The following PTK2B variants were observed in gnomAD, a reference collection of about 807,000 sequenced individuals.
The protein encoded by PTK2B is protein-tyrosine kinase 2-beta.
A neutral mutation model predicts 142.9 loss-of-function variants in PTK2B; 71 were observed. The ratio of observed to expected loss-of-function variants is 0.50; its 90% CI spans 0.41 to 0.61. PTK2B has a LOEUF of 0.61. PTK2B is among the 20% of genes least tolerant of loss of function. The pLI, the probability that PTK2B is intolerant of heterozygous loss-of-function variation, is 0.00. For synonymous variants in PTK2B, 519 were observed against 503.4 expected, an observed-to-expected ratio of 1.03 and a Z score of -0.42; for missense variants, 1,105 against 1,320.4, an observed-to-expected ratio of 0.84 and a Z score of 2.53.
At chr8:27,426,769 T>G (rs1810109883) in intron 5 of PTK2B, among the ~76,000 whole-genome samples, 1 of 151,956 alleles carries the variant, frequency 6.6e-6, no homozygotes, top group Non-Finnish European at 1.5e-5. Flanking sequence ...TGGGGTGACC[T>G]TGATGTGCTA....
At chr8:27,339,733 G>A (rs990627905) in intron 1 of PTK2B, among the ~76,000 whole-genome samples, 1 of 152,206 alleles carries the variant, frequency 6.6e-6, no homozygotes, top group African/African-American at 2.4e-5. Flanking sequence ...GGGGATCAGG[G>A]GGTCAGGGAC....
At chr8:27,432,837 CTTTT>C (rs1179977776) in intron 10 of PTK2B, among the ~76,000 whole-genome samples, 1 of 151,672 alleles carries the variant, frequency 6.6e-6, no homozygotes, top group South Asian at 2.1e-4. Context: ...TTCTTTCTTT[CTTTT>C]TTTTAGACAA....
intron 27 of PTK2B, 115 bp downstream of exon 27, chr8:27,451,624 C>T: frequency 6.4e-7 from 1 of 1,566,496 alleles, no homozygotes; most frequent in Non-Finnish European, 8.7e-7. Context: ...TTCCCTGCAG[C>T]ATCGGCCATG....
intron 24 of PTK2B, among the ~76,000 whole-genome samples, chr8:27,449,758 G>T (rs7846626): frequency 1.6e-4 from 25 of 152,102 alleles, no homozygotes; most frequent in African/African-American, 5.8e-4. Context: ...AATGAACCGT[G>T]GGGGAAGACT....
intron 27 of PTK2B, chr8:27,451,992 C>T (rs868575984): frequency 1.1e-4 from 18 of 168,880 alleles, no homozygotes; most frequent in African/African-American, 2.6e-4. Context: ...GCAGTAAGCC[C>T]GGGGCCTGGA....
upstream of PTK2B, among the ~76,000 whole-genome samples, chr8:27,323,966 C>T (rs1490837765): frequency 2.0e-5 from 3 of 152,144 alleles, no homozygotes; most frequent in Non-Finnish European, 4.4e-5. Flanking sequence ...TCTTGATTGT[C>T]TTTGCTTTTA....
At chr8:27,318,683 C>T (rs1803143606) in intron 3 of PTK2B, among the ~76,000 whole-genome samples, 1 of 152,162 alleles carries the variant, frequency 6.6e-6, no homozygotes, top group Non-Finnish European at 1.5e-5. Context: ...CAGAGTATTG[C>T]TCTATTGCCC....
At chr8:27,362,383 C>G (rs757803992) in intron 1 of PTK2B, among the ~76,000 whole-genome samples, 5 of 152,314 alleles carry the variant, frequency 3.3e-5, no homozygotes, top group Non-Finnish European at 7.4e-5. Flanking sequence ...TTAGCACCCC[C>G]ACACTGTGGC....
intron 2 of PTK2B, among the ~76,000 whole-genome samples, chr8:27,403,997 T>G (rs769219180): frequency 6.6e-6 from 1 of 150,688 alleles, no homozygotes; most frequent in Non-Finnish European, 1.5e-5. Flanking sequence ...TTCCCTCTCC[T>G]TTCTCTTCTT....
intron 1 of PTK2B, among the ~76,000 whole-genome samples, chr8:27,390,024 A>C (rs1807616202): frequency 6.6e-6 from 1 of 152,226 alleles, no homozygotes; most frequent in African/African-American, 2.4e-5. Context: ...AGCAAGGGGA[A>C]GTGATTCAGA....
intron 3 of PTK2B, among the ~76,000 whole-genome samples, chr8:27,317,592 A>G (rs1389588811): frequency 6.6e-6 from 1 of 152,210 alleles, no homozygotes; most frequent in Non-Finnish European, 1.5e-5. Flanking sequence ...CTTTGCAGAT[A>G]GTTCACTGTC....
At chr8:27,353,152 G>A (rs1252598572) in intron 1 of PTK2B, among the ~76,000 whole-genome samples, 1 of 152,150 alleles carries the variant, frequency 6.6e-6, no homozygotes, top group Admixed American at 6.5e-5. Flanking sequence ...TATTTAGTTA[G>A]CAATCCAAAA....
At chr8:27,417,562 T>A (rs1809480245) in intron 2 of PTK2B, among the ~76,000 whole-genome samples, 1 of 152,126 alleles carries the variant, frequency 6.6e-6, no homozygotes, top group Non-Finnish European at 1.5e-5. Flanking sequence ...ATAGCTTCAA[T>A]TTATGCATTT....
intron 1 of PTK2B, among the ~76,000 whole-genome samples, chr8:27,336,386 G>A (rs1447855552): frequency 6.6e-6 from 1 of 152,074 alleles, no homozygotes; most frequent in Non-Finnish European, 1.5e-5. Flanking sequence ...TAGGCCATAA[G>A]CCCTGTTGAG....
rs188775412 is a variant in PTK2B, at chr8:27,433,264, G to A, written c.988-171G>A. ...GAGAGCATGGGCGTACAGGTGAAAG[G>A]GGTGACAGAGTGCAGTCTGGACTCC... On this transcript the variant is annotated intron_variant, in intron 10 of 30. Transcript: ENST00000346049. 3.4e-4 allele frequency: 216 copies of A among 631,912 alleles called. No homozygotes were observed. The African/African-American group carries it at 3.7e-3, about 11-fold the overall frequency. 39.1% of individuals were successfully genotyped at this position (631,912 alleles called of 1,614,324 possible).
At chr8:27,318,849 C>T (rs1009576515) in intron 3 of PTK2B, among the ~76,000 whole-genome samples, 2 of 152,112 alleles carry the variant, frequency 1.3e-5, no homozygotes, top group Non-Finnish European at 2.9e-5. Flanking sequence ...TGGGGTTTCA[C>T]CATGTCGGCC....
intron 5 of PTK2B, among the ~76,000 whole-genome samples, chr8:27,424,592 A>G (rs1282712927): frequency 1.3e-5 from 2 of 152,252 alleles, no homozygotes; most frequent in Non-Finnish European, 2.9e-5. Flanking sequence ...CCTATTTTGT[A>G]AACCAAATAG....
rs1228061409 is a variant in PTK2B, at chr8:27,439,297, GC to G, written c.1745-9del. 6.2e-7 allele frequency: 1 copy of G among 1,608,828 alleles called. No homozygotes were observed. Among genetic ancestry groups the G allele is most frequent in the African/African-American group, 1.3e-5 (1 of 74,772 alleles). ...TTCTTCCCTAAAAATCAACCTCTTT[GC>G]CCACCCAAAGCCTCTGTGACTCGTC... On this transcript the variant is annotated splice_polypyrimidine_tract_variant and intron_variant, in intron 19 of 30. Transcript: ENST00000346049.
chr8:27,345,256 A>G (rs1414209321), intron 1 of PTK2B, among the ~76,000 whole-genome samples: 1 of 152,210 alleles, frequency 6.6e-6, no homozygotes, highest in African/African-American at 2.4e-5. Context: ...CTTTTCCCAG[A>G]GCAATGAACA....
Sources: allele counts gnomAD v4.1 joint callset (sites outside exome capture counted in the v4.1 genomes callset), GRCh38; gene constraint gnomAD v4.1.1; transcripts MANE v1.5; gene names NCBI Gene and HGNC (gene_info 2026-07-23, HGNC 2026-07-21).